The following CNNM2 variants were observed in gnomAD, a reference collection of about 807,000 sequenced individuals.
CNNM2 encodes the protein cyclin and CBS domain divalent metal cation transport mediator 2.
In CNNM2, 12 loss-of-function variants were observed where a neutral mutation model predicts 66.9. The ratio of observed to expected loss-of-function variants is 0.18; its 90% CI spans 0.11 to 0.29. The LOEUF is 0.29. Ranked by LOEUF, CNNM2 falls within the 10% of genes least tolerant of loss-of-function variation. The probability of loss-of-function intolerance (pLI) is 1.00; values close to 1 mark genes in which losing one functional copy is unlikely to be tolerated. For missense variants in CNNM2, 705 were observed against 1,167.7 expected (o/e 0.60, Z 5.77); for synonymous variants, 557 against 501.8 (o/e 1.11, Z -1.47).
In CNNM2 at chr10:102,963,403, A is replaced by G. The variant is rs530707077; in HGVS notation, c.1621+43302A>G. Among the ~76,000 whole-genome samples the G allele has an allele frequency of 7.2e-5, 11 of 152,060 alleles. No individual in the cohort carries two copies. The East Asian group carries it at 2.1e-3, about 29-fold the overall frequency. Reference sequence around the variant, plus strand: ...CAGATAGCCATCTAGTGGAAAGAAGACTCTTTAAGAATGACTTTCCTCCAG... The same window carrying G: ...CAGATAGCCATCTAGTGGAAAGAAGGCTCTTTAAGAATGACTTTCCTCCAG... On this transcript the variant is annotated intron_variant, in intron 1 of 7. Transcript: ENST00000369878.
chr10:103,012,462 A>G (rs1248782802), intron 1 of CNNM2, among the ~76,000 whole-genome samples: 2 of 152,120 alleles, frequency 1.3e-5, no homozygotes, highest in African/African-American at 2.4e-5. Context: ...CCTGGCCTAC[A>G]TGGTGAAATC....
At chr10:102,948,121 T>TA (rs1846687817) in intron 1 of CNNM2, among the ~76,000 whole-genome samples, 1 of 152,178 alleles carries the variant, frequency 6.6e-6, no homozygotes, top group African/African-American at 2.4e-5. Flanking sequence ...AATTTTCTAT[T>TA]ATCAGGTTTC....
intron 1 of CNNM2, among the ~76,000 whole-genome samples, chr10:102,970,692 G>A (rs1164963732): frequency 6.6e-6 from 1 of 152,120 alleles, no homozygotes; most frequent in Non-Finnish European, 1.5e-5. Flanking sequence ...GATCAGCATG[G>A]GAATTTTGAC....
intron 1 of CNNM2, among the ~76,000 whole-genome samples, chr10:103,005,805 T>A (rs2064215116): frequency 6.6e-6 from 1 of 152,112 alleles, no homozygotes; most frequent in African/African-American, 2.4e-5. Context: ...CATAGCTCAC[T>A]GCAGCCTTGA....
At chr10:103,056,253 A>G (rs150264996) in intron 3 of CNNM2, among the ~76,000 whole-genome samples, 342 of 151,822 alleles carry the variant, frequency 2.3e-3, no homozygotes, top group African/African-American at 7.7e-3. Context: ...ACTTTTGAAC[A>G]TTACTTTTTT....
chr10:102,969,146 C>A (rs2063511847), intron 1 of CNNM2, among the ~76,000 whole-genome samples: 1 of 151,802 alleles, frequency 6.6e-6, no homozygotes, highest in Admixed American at 6.6e-5. Flanking sequence ...AACTCCTGGG[C>A]TCAAGTGATA....
intron 1 of CNNM2, among the ~76,000 whole-genome samples, chr10:103,009,280 A>C (rs538580398): frequency 6.6e-6 from 1 of 152,348 alleles, no homozygotes; most frequent in East Asian, 1.9e-4. Context: ...CGTCTCAAAA[A>C]AAACGGAAAA....
At chr10:102,969,517 T>G (rs1039907846) in intron 1 of CNNM2, among the ~76,000 whole-genome samples, 2 of 151,358 alleles carry the variant, frequency 1.3e-5, no homozygotes, top group Admixed American at 1.3e-4. Context: ...CAGCCAGTAG[T>G]GCTATCTTAG....
intron 4 of CNNM2, chr10:103,068,384 A>G: frequency 2.4e-6 from 1 of 419,470 alleles, no homozygotes; most frequent in Non-Finnish European, 4.3e-6. Flanking sequence ...TTAATTTAAG[A>G]ATTATTTTAA....
At chr10:102,921,741 C>G (rs1399043576) in intron 1 of CNNM2, among the ~76,000 whole-genome samples, 1 of 152,088 alleles carries the variant, frequency 6.6e-6, no homozygotes, top group Non-Finnish European at 1.5e-5. Flanking sequence ...TGCTAAATTT[C>G]CCAATATTGA....
intron 1 of CNNM2, chr10:102,927,431 G>T: frequency 6.2e-7 from 1 of 1,612,018 alleles, no homozygotes; most frequent in South Asian, 1.1e-5. Flanking sequence ...CACAGACATT[G>T]GCAACTCTAG....
chr10:103,024,767 C>T (rs548753357), intron 1 of CNNM2, among the ~76,000 whole-genome samples: 6 of 152,188 alleles, frequency 3.9e-5, no homozygotes, highest in South Asian at 2.1e-4. Context: ...CGTGAGCCAC[C>T]GCACCCGGCC....
At chr10:103,070,421 G>C (rs983981539) in intron 5 of CNNM2, among the ~76,000 whole-genome samples, 3 of 152,186 alleles carry the variant, frequency 2.0e-5, no homozygotes, top group Admixed American at 6.5e-5. Flanking sequence ...CAAGTGCTTC[G>C]TCCCCTTGAA....
At chr10:102,962,598 A>T (rs1369132388) in intron 1 of CNNM2, among the ~76,000 whole-genome samples, 1 of 152,192 alleles carries the variant, frequency 6.6e-6, no homozygotes, top group East Asian at 1.9e-4. Flanking sequence ...AGTCAATTTC[A>T]ACATATCCAA....
rs113271029 is a variant in CNNM2 at position 102,937,864 on chromosome 10, A to G, written c.1621+17763A>G. Among the ~76,000 whole-genome samples the G allele has an allele frequency of 4.6e-5, 7 of 151,818 alleles. No homozygotes were observed. In the East Asian group the frequency reaches 1.2e-3, roughly 26 times the overall value. ...GGTCTCAAACTATTGGGCTCAAACA[A>G]TCCTCCCACCTTGGCTTCCCAAAGT... On this transcript the variant is annotated intron_variant, in intron 1 of 7. Coordinates refer to ENST00000369878, the MANE Select transcript of CNNM2 (RefSeq NM_017649.5).
rs143934871 is a variant in CNNM2 at position 102,978,067 on chromosome 10, G to A, written c.1621+57966G>A. Among the ~76,000 whole-genome samples the A allele has an allele frequency of 0.033, 5,030 of 151,886 alleles. 292 individuals are homozygous for A. Among genetic ancestry groups the A allele is most frequent in the African/African-American group, 0.11 (4,730 of 41,406 alleles). On this transcript the variant is annotated intron_variant, in intron 1 of 7. Transcript: ENST00000369878. The stretch of plus-strand genomic sequence containing the variant: ...TGGGATTACAGGCATGCACCACCAC[G>A]CCTGGCTAACTTTTTGTATTTTTAG...
At chr10:102,933,991 GCC>G (rs1261883304) in intron 1 of CNNM2, among the ~76,000 whole-genome samples, 1 of 148,738 alleles carries the variant, frequency 6.7e-6, no homozygotes, top group African/African-American at 2.5e-5. Flanking sequence ...CTGCCACTGT[GCC>G]CAGCTTATTT....
At chr10:102,960,474 T>G (rs1450660154) in intron 1 of CNNM2, among the ~76,000 whole-genome samples, 2 of 152,246 alleles carry the variant, frequency 1.3e-5, no homozygotes, top group African/African-American at 2.4e-5. Context: ...CACAAAGAGA[T>G]AAAACTACTG....
At chr10:103,014,494 T>C (rs2064403934) in intron 1 of CNNM2, among the ~76,000 whole-genome samples, 1 of 152,140 alleles carries the variant, frequency 6.6e-6, no homozygotes, top group South Asian at 2.1e-4. Flanking sequence ...CGGGTGAGAA[T>C]TTGGAGCAAA....
Sources: gnomAD v4.1 joint callset for allele counts (sites outside exome capture counted in the v4.1 genomes callset) on GRCh38, gnomAD v4.1.1 for gene constraint, MANE v1.5 for transcripts, NCBI Gene and HGNC (gene_info 2026-07-23, HGNC 2026-07-21) for gene names.